FSIP1: variants seen among roughly 807,000 people sequenced by gnomAD.
The protein encoded by FSIP1 is fibrous sheath-interacting protein 1.
In FSIP1, 65 loss-of-function variants were observed where a neutral mutation model predicts 60.9. The observed-to-expected ratio is 1.07, with a 90% CI of 0.87 to 1.31. FSIP1 has a LOEUF of 1.31. Among genes scored for constraint, FSIP1 ranks in the 40% most tolerant of loss-of-function variants. The probability of loss-of-function intolerance (pLI) is 0.00; values close to 1 mark genes in which losing one functional copy is unlikely to be tolerated. For missense variants in FSIP1, 675 were observed against 665.5 expected, an observed-to-expected ratio of 1.01 and a Z score of -0.16; for synonymous variants, 209 against 221.2, an observed-to-expected ratio of 0.94 and a Z score of 0.49.
At chr15:39,610,622 T>C (rs1271000183) in intron 11 of FSIP1, among the ~76,000 whole-genome samples, 2 of 152,196 alleles carry the variant, frequency 1.3e-5, no homozygotes, top group Non-Finnish European at 2.9e-5. Flanking sequence ...GCCAGGATCA[T>C]GCCACTGCAG....
rs191784992 is a variant in FSIP1 at position 39,674,043 on chromosome 15, C to T, written c.1188+39401G>A. 6.6e-5 allele frequency among the ~76,000 whole-genome samples: 10 copies of T among 151,234 alleles called. No individual in the cohort carries two copies. The East Asian group carries it at 1.2e-3, about 18-fold the overall frequency. On this transcript the variant is annotated intron_variant, in intron 10 of 11. Coordinates refer to ENST00000350221, the MANE Select transcript of FSIP1 (RefSeq NM_152597.5). The stretch of plus-strand genomic sequence containing the variant: ...TATAGAGAAGGGAACATCCTTAACC[C>T]GACCCGATTTAATTTTTTTTTTTTT...
intron 10 of FSIP1, among the ~76,000 whole-genome samples, chr15:39,623,625 T>G (rs1891527760): frequency 6.6e-6 from 1 of 152,160 alleles, no homozygotes; most frequent in South Asian, 2.1e-4. Context: ...GTAGTCTATT[T>G]TAGTCAAGGT....
At chr15:39,748,078 A>G (rs1460149470) in intron 5 of FSIP1, among the ~76,000 whole-genome samples, 2 of 151,686 alleles carry the variant, frequency 1.3e-5, no homozygotes, top group African/African-American at 2.4e-5. Flanking sequence ...CATTTTTCCT[A>G]TTTTTCCTTG....
At chr15:39,696,200 T>C (rs756682676) in intron 10 of FSIP1, among the ~76,000 whole-genome samples, 2 of 152,074 alleles carry the variant, frequency 1.3e-5, no homozygotes, top group Non-Finnish European at 2.9e-5. Context: ...GAACAGTAAA[T>C]AAAATTAACA....
chr15:39,698,430 A>C (rs1363504463), intron 10 of FSIP1, among the ~76,000 whole-genome samples: 4 of 152,120 alleles, frequency 2.6e-5, no homozygotes, highest in Non-Finnish European at 5.9e-5. Flanking sequence ...GCAAATACTC[A>C]GTATTCTCTT....
chr15:39,667,347 C>T (rs1373982357), intron 10 of FSIP1, among the ~76,000 whole-genome samples: 2 of 151,918 alleles, frequency 1.3e-5, no homozygotes, highest in African/African-American at 4.8e-5. Flanking sequence ...GAGTAAAGGC[C>T]TGGTTCTTAG....
rs894137097 is a variant in FSIP1 at position 39,632,411 on chromosome 15, C to A, written c.1189-14166G>T. 2.6e-5 allele frequency among the ~76,000 whole-genome samples: 4 copies of A among 152,134 alleles called. No individual in the cohort carries two copies. The East Asian group carries it at 7.7e-4, about 29-fold the overall frequency. The stretch of plus-strand genomic sequence containing the variant: ...CAAGCTGGTCTTGAACTCCTGAGCT[C>A]AAGCAATCCTCCCACCTCAGCCTCT... On this transcript the variant is annotated intron_variant, in intron 10 of 11. Transcript: ENST00000350221.
chr15:39,710,729 C>G (rs974572994), intron 10 of FSIP1, among the ~76,000 whole-genome samples: 2 of 152,330 alleles, frequency 1.3e-5, no homozygotes, highest in African/African-American at 4.8e-5. Context: ...CCTCCACTTA[C>G]TAGCTGTATA....
chr15:39,604,894 C>T (rs1034153936), intron 11 of FSIP1, among the ~76,000 whole-genome samples: 3 of 152,120 alleles, frequency 2.0e-5, no homozygotes, highest in South Asian at 4.1e-4. Flanking sequence ...AGAATCTCAC[C>T]GCTCTCCTGC....
chr15:39,637,707 G>T (rs572237178), intron 10 of FSIP1, among the ~76,000 whole-genome samples: 65 of 152,118 alleles, frequency 4.3e-4, no homozygotes, highest in Non-Finnish European at 8.2e-4. Context: ...TAGATTCAAT[G>T]ATGAGAGGCA....
chr15:39,760,933 T>G (rs1408286552), intron 5 of FSIP1, among the ~76,000 whole-genome samples: 7 of 152,048 alleles, frequency 4.6e-5, no homozygotes, highest in Non-Finnish European at 1.0e-4. Flanking sequence ...AAATAAAAAG[T>G]AAAAAATAAA....
downstream of FSIP1, chr15:39,598,701 G>A (rs1595517683): frequency 6.6e-6 from 1 of 152,116 alleles, no homozygotes; most frequent in East Asian, 1.9e-4. Context: ...TTATGTCATC[G>A]AGATGATAGC....
intron 1 of FSIP1, 73 bp from the exon 2 acceptor site, chr15:39,776,604 T>A: frequency 7.7e-7 from 1 of 1,297,674 alleles, no homozygotes; most frequent in Non-Finnish European, 1.1e-6. Context: ...AGTATTAATA[T>A]CCAATTACTC....
chr15:39,673,541 C>T (rs1893803196), intron 10 of FSIP1, among the ~76,000 whole-genome samples: 1 of 152,122 alleles, frequency 6.6e-6, no homozygotes, highest in Admixed American at 6.5e-5. Context: ...GTCTCAGACT[C>T]CCGTCCTCAA....
chr15:39,721,179 G>A (rs10520149), intron 9 of FSIP1, among the ~76,000 whole-genome samples: 1 of 152,074 alleles, frequency 6.6e-6, no homozygotes. Context: ...CATTCCTAGA[G>A]TTCCTCAAAC....
chr15:39,759,247 TA>T (rs767551909), intron 5 of FSIP1, among the ~76,000 whole-genome samples: 1 of 152,028 alleles, frequency 6.6e-6, no homozygotes, highest in African/African-American at 2.4e-5. Context: ...TTAATATCCT[TA>T]ATATTAAAAA....
intron 10 of FSIP1, among the ~76,000 whole-genome samples, chr15:39,661,947 A>G (rs2140454071): frequency 6.6e-6 from 1 of 152,312 alleles, no homozygotes; most frequent in African/African-American, 2.4e-5. Flanking sequence ...TAAACATTGT[A>G]AAGGTTATAT....
At chr15:39,744,080 C>T (rs1447146299) in intron 5 of FSIP1, among the ~76,000 whole-genome samples, 2 of 151,980 alleles carry the variant, frequency 1.3e-5, no homozygotes, top group African/African-American at 2.4e-5. Flanking sequence ...TATGTATAAT[C>T]GTGCATGTAT....
intron 10 of FSIP1, 136 bp from the exon 11 acceptor site, chr15:39,618,381 G>T: frequency 1.4e-6 from 1 of 712,322 alleles, no homozygotes; most frequent in Non-Finnish European, 2.2e-6. Flanking sequence ...ATAATTCATT[G>T]TAAAGTATCC....
Sources: allele counts gnomAD v4.1 joint callset (sites outside exome capture counted in the v4.1 genomes callset), GRCh38; gene constraint gnomAD v4.1.1; transcripts MANE v1.5; gene names NCBI Gene and HGNC (gene_info 2026-07-23, HGNC 2026-07-21).